Variants in PHEX observed in about 807,000 individuals in gnomAD.
The protein encoded by PHEX is phosphate regulating endopeptidase X-linked.
PHEX carries 16 observed loss-of-function variants against 68.0 expected under a neutral mutation model. The ratio of observed to expected loss-of-function variants is 0.24; its 90% CI spans 0.16 to 0.36. The LOEUF is 0.36. Ranked by LOEUF, PHEX falls within the 10% of genes least tolerant of loss-of-function variation. The pLI is 1.00. For missense variants in PHEX, 480 were observed against 575.5 expected, an observed-to-expected ratio of 0.83 and a Z score of 1.70; for synonymous variants, 208 against 205.1, an observed-to-expected ratio of 1.01 and a Z score of -0.12.
intron 9 of PHEX, among the ~76,000 whole-genome samples, chrX:22,104,125 T>G (rs1193043264): frequency 8.9e-6 from 1 of 112,139 alleles, no homozygotes; most frequent in Admixed American, 9.5e-5. Context: ...TTCATGTCTT[T>G]TGCCCACTTT....
chrX:22,037,326 G>A (rs1193075547), intron 1 of PHEX, among the ~76,000 whole-genome samples: 1 of 110,759 alleles, frequency 9.0e-6, no homozygotes, highest in Non-Finnish European at 1.9e-5. Context: ...AGGTACTGCC[G>A]AGCTTTCTGC....
chrX:22,091,796 G>C (rs1929896668), intron 6 of PHEX, among the ~76,000 whole-genome samples: 1 of 111,955 alleles, frequency 8.9e-6, no homozygotes, highest in South Asian at 3.7e-4. Context: ...AGGTTTAATG[G>C]ACTCACAGTT....
chrX:22,081,400 A>T (rs1171354905), intron 5 of PHEX, among the ~76,000 whole-genome samples: 1 of 111,766 alleles, frequency 8.9e-6, no homozygotes, highest in Non-Finnish European at 1.9e-5. Context: ...TTGCTGCTTG[A>T]AAGATCCTCT....
At position 22,156,707 on chromosome X, in the gene PHEX, A is replaced by G. The variant is rs746420793; in HGVS notation, c.1405-11605A>G. On this transcript the variant is annotated intron_variant, in intron 12 of 21. Transcript: ENST00000379374. ...TATCATTTTGGTTATGTCTGGATAA[A>G]TGGGCTTAGCTAATTGAGGCTTAGG... Among the ~76,000 whole-genome samples, 4 of 110,261 alleles carry G rather than the reference A, an allele frequency of 3.6e-5. No homozygotes were observed. In the East Asian group the frequency reaches 1.2e-3, roughly 32 times the overall value.
intron 11 of PHEX, among the ~76,000 whole-genome samples, chrX:22,119,602 T>C (rs902856298): frequency 1.5e-4 from 16 of 107,712 alleles, no homozygotes; most frequent in African/African-American, 5.4e-4. Flanking sequence ...TTTTCTTTTT[T>C]TTTTTTTTGA....
chrX:22,234,090 A>T (rs1422474177), intron 20 of PHEX, among the ~76,000 whole-genome samples: 1 of 112,393 alleles, frequency 8.9e-6, no homozygotes, highest in Non-Finnish European at 1.9e-5. Context: ...TGCACTCCAG[A>T]CTCTGTTTAC....
In PHEX at chrX:22,249,455, A is replaced by AAAAAAAAAAT; in HGVS notation, c.*1503_*1504insAAAAAAAATA. 12 of 39,756 alleles carry AAAAAAAAAAT rather than the reference A, an allele frequency of 3.0e-4. No homozygotes were observed. Among genetic ancestry groups the AAAAAAAAAAT allele is most frequent in the African/African-American group, 1.8e-3 (11 of 6,015 alleles). The allele number at this position is 39,756 out of a possible 1,213,427, so 3.3% of individuals were successfully genotyped here. A position where few individuals can be genotyped will look rare whatever the true frequency, so the allele number is the denominator to read the frequency against. On this transcript the variant is annotated 3_prime_UTR_variant, in exon 22 of 22. Coordinates refer to ENST00000379374, the MANE Select transcript of PHEX (RefSeq NM_000444.6). ...TTGTGATTCTTTTAAAAAAAAAAAAAATATATATATATATATATATATATA... is the reference window on the plus strand; with the variant it reads ...TTGTGATTCTTTTAAAAAAAAAAAAAAAAAAAAAATATATATATATATATATATATATATA...
At chrX:22,153,648 T>G (rs942948572) in intron 12 of PHEX, among the ~76,000 whole-genome samples, 3 of 111,568 alleles carry the variant, frequency 2.7e-5, no homozygotes, top group African/African-American at 9.8e-5. Context: ...TCTGCAACTC[T>G]AATAGATGCT....
At chrX:22,220,411 T>C (rs758429664) in intron 17 of PHEX, among the ~76,000 whole-genome samples, 153 of 111,553 alleles carry the variant, frequency 1.4e-3, no homozygotes, top group African/African-American at 4.9e-3. Context: ...GACTTGTAGT[T>C]ATAAATGTGG....
At chrX:22,109,513 A>G (rs1894495525) in intron 9 of PHEX, among the ~76,000 whole-genome samples, 1 of 112,074 alleles carries the variant, frequency 8.9e-6, no homozygotes, top group African/African-American at 3.2e-5. Context: ...GCTGAAAAAT[A>G]TTTTACTAGT....
chrX:22,157,365 T>C (rs1028099412), intron 12 of PHEX, among the ~76,000 whole-genome samples: 2 of 112,237 alleles, frequency 1.8e-5, no homozygotes, highest in Non-Finnish European at 3.8e-5. Flanking sequence ...AAATGAGAGT[T>C]GCCTCTATTT....
At chrX:22,115,565 A>G (rs942985723) in intron 11 of PHEX, among the ~76,000 whole-genome samples, 1 of 111,840 alleles carries the variant, frequency 8.9e-6, no homozygotes, top group Non-Finnish European at 1.9e-5. Context: ...TAGAACTAGA[A>G]GTTTGTACCC....
chrX:22,224,969 A>C (rs1935412022), intron 18 of PHEX, among the ~76,000 whole-genome samples: 1 of 113,280 alleles, frequency 8.8e-6, no homozygotes, highest in African/African-American at 3.2e-5. Flanking sequence ...GCGCTGTATG[A>C]TTTATTATCA....
intron 1 of PHEX, among the ~76,000 whole-genome samples, chrX:22,035,149 C>T (rs921327029): frequency 9.0e-6 from 1 of 111,665 alleles, no homozygotes; most frequent in Admixed American, 9.6e-5. Context: ...TTTCTAGCAT[C>T]CCTTCGTACC....
At chrX:22,168,029 AAC>A (rs1382485154) in intron 12 of PHEX, among the ~76,000 whole-genome samples, 1 of 111,516 alleles carries the variant, frequency 9.0e-6, no homozygotes, top group Non-Finnish European at 1.9e-5. Flanking sequence ...TCCATGCAGA[AAC>A]AGTCTCTCCT....
Position 22,098,991 on chromosome X carries a change from T to C in PHEX, c.934-15T>C, listed in dbSNP as rs1295666443. 4 of 1,206,302 alleles carry C rather than the reference T, an allele frequency of 3.3e-6. No homozygotes were observed. In the Admixed American group the frequency reaches 8.7e-5, roughly 26 times the overall value. ...CCGAGATTCTCTCATTCTGTTTTGT[T>C]CTCTCTCCCCTCAGTTCGACTGGCT... On this transcript the variant is annotated splice_polypyrimidine_tract_variant and intron_variant, in intron 8 of 21. Transcript: ENST00000379374.
At chrX:22,062,172 G>A (rs7051072) in intron 3 of PHEX, among the ~76,000 whole-genome samples, 4,517 of 111,441 alleles carry the variant, frequency 0.041, 231 homozygotes, top group African/African-American at 0.14. Context: ...TGAGAATTCT[G>A]CCACTGAACC....
At chrX:22,068,543 G>A (rs895877390) in intron 3 of PHEX, among the ~76,000 whole-genome samples, 4 of 111,930 alleles carry the variant, frequency 3.6e-5, no homozygotes, top group African/African-American at 9.7e-5. Context: ...ATTAACAGGA[G>A]TCAGAGACCT....
chrX:22,067,873 C>T (rs928812173), intron 3 of PHEX, among the ~76,000 whole-genome samples: 3 of 108,839 alleles, frequency 2.8e-5, no homozygotes, highest in African/African-American at 1.0e-4. Flanking sequence ...ACTCTTGTTG[C>T]CTAGGCTGGA....
Sources: allele counts gnomAD v4.1 joint callset (sites outside exome capture counted in the v4.1 genomes callset), GRCh38; gene constraint gnomAD v4.1.1; transcripts MANE v1.5; gene names NCBI Gene and HGNC (gene_info 2026-07-23, HGNC 2026-07-21).